PIEZO1: variants seen among roughly 807,000 people sequenced by gnomAD.
PIEZO1 encodes the protein piezo-type mechanosensitive ion channel component 1.
A neutral mutation model predicts 297.2 loss-of-function variants in PIEZO1; 296 were observed. The observed-to-expected ratio is 1.00, with a 90% CI of 0.91 to 1.10. The LOEUF is 1.10. Among genes scored for constraint, PIEZO1 ranks in the 50% least tolerant of loss-of-function variants. PIEZO1 has a pLI of 0.00. For missense variants in PIEZO1, 5,018 were observed against 3,455.5 expected (o/e 1.45, Z -11.34); for synonymous variants, 2,427 against 1,507.5 (o/e 1.61, Z -14.13).
At chr16:88,731,059 G>C (rs573498026) in intron 22 of PIEZO1, 1 of 155,470 alleles carries the variant, frequency 6.4e-6, no homozygotes, top group Admixed American at 6.2e-5. Flanking sequence ...GCCTTGAGCA[G>C]ACCTGCAGCA....
chr16:88,732,229 A>T, intron 21 of PIEZO1, 106 bp downstream of exon 21: 1 of 988,574 alleles, frequency 1.0e-6, no homozygotes, highest in Non-Finnish European at 1.5e-6. Flanking sequence ...TCTGTGGCCC[A>T]GGCAAACCCA....
At position 88,722,020 on chromosome 16, in the gene PIEZO1, C is replaced by T; in HGVS notation, c.5002G>A (p.Gly1668Arg). 1.3e-6 allele frequency: 2 copies of T among 1,548,464 alleles called. No homozygotes were observed. Among genetic ancestry groups the T allele is most frequent in the Non-Finnish European group, 1.7e-6 (2 of 1,146,632 alleles). ...ELEEAELFAE[G>R]QGRALRLLRA... is the part of the protein sequence containing the mutation. ...AGCAGCCGCAGCGCCCGGCCCTGCC[C>T]CTCCGCAAACAGCTCTGCCTCCTCC... The change falls in exon 37 of 51, where the codon GGG becomes AGG. Residue 1668 changes from glycine to arginine, a missense_variant. Physicochemically the swap from Gly to Arg is moderately radical, Grantham distance 125. Coordinates refer to ENST00000301015, the MANE Select transcript of PIEZO1 (RefSeq NM_001142864.4).
chr16:88,736,813 C>T, intron 10 of PIEZO1, 74 bp from the exon 11 acceptor site: 1 of 926,150 alleles, frequency 1.1e-6, no homozygotes, highest in East Asian at 2.8e-5. Flanking sequence ...GCCCTAAAAT[C>T]TGGGCCCTGG....
At chr16:88,737,846 G>C in intron 8 of PIEZO1, 32 bp from the exon 9 acceptor site, 1 of 1,533,908 alleles carries the variant, frequency 6.5e-7, no homozygotes. Context: ...GCCCAAACCA[G>C]CTCCACACCC....
Position 88,733,642 on chromosome 16 carries a change from C to T in PIEZO1, c.2433G>A (p.Glu811=), listed in dbSNP as rs1597456944. ...GGGCCACCAGCTTGAAAACGTGAAG[C>T]TCCAGCAGCCGCCGCAGGAACACCT... is the stretch of plus-strand genomic sequence containing the variant. ...RVQVFLRRLL[E]LHVFKLVALY... The change falls in exon 18 of 51, where the codon GAG becomes GAA. Residue 811 remains glutamate (E), a synonymous_variant. Transcript: ENST00000301015. 3.2e-6 allele frequency: 5 copies of T among 1,549,732 alleles called. No homozygotes were observed. Among genetic ancestry groups the T allele is most frequent in the East Asian group, 4.9e-5 (2 of 40,906 alleles).
At chr16:88,729,487 CA>C (rs1904659747) in intron 22 of PIEZO1, among the ~76,000 whole-genome samples, 2 of 119,320 alleles carry the variant, frequency 1.7e-5, no homozygotes, top group African/African-American at 6.0e-5. Flanking sequence ...CCTCGCGACA[CA>C]AAAACAAAGT....
In PIEZO1 at chr16:88,720,138, G is replaced by A. The variant is rs1567659946; in HGVS notation, c.6095C>T (p.Ala2032Val). 1.2e-5 allele frequency: 18 copies of A among 1,550,338 alleles called. No homozygotes were observed. The highest frequency in any genetic ancestry group is 2.4e-5 in the East Asian group (1 of 40,938). ...YLRKTVLGKL[A>V]FQVALVLAIH... Reference sequence around the variant, plus strand: ...GGCCAGCACCAGCGCCACCTGGAAGGCCAGCTTGCCCAGCACGGTCTTGCG... The same window carrying A: ...GGCCAGCACCAGCGCCACCTGGAAGACCAGCTTGCCCAGCACGGTCTTGCG... The change falls in exon 42 of 51, where the codon GCC (alanine) becomes GTC (valine). Residue 2032 changes from alanine (A) to valine (V), a missense_variant. Physicochemically the swap from Ala to Val is moderately conservative, Grantham distance 64. Coordinates refer to ENST00000301015, the MANE Select transcript of PIEZO1 (RefSeq NM_001142864.4).
At chr16:88,746,986 C>A (rs1020554452) in intron 2 of PIEZO1, among the ~76,000 whole-genome samples, 1 of 152,166 alleles carries the variant, frequency 6.6e-6, no homozygotes, top group Non-Finnish European at 1.5e-5. Context: ...GTTTGGGCCT[C>A]GGGCCCCAGC....
intron 1 of PIEZO1, among the ~76,000 whole-genome samples, chr16:88,778,253 A>C: frequency 6.6e-6 from 1 of 150,720 alleles, no homozygotes. Context: ...CTTGTTCTTG[A>C]CTCTTCCTGG....
chr16:88,742,107 G>A lies in PIEZO1; in HGVS notation c.284-12C>T. On this transcript the variant is annotated splice_polypyrimidine_tract_variant and intron_variant, in intron 3 of 50. Coordinates refer to ENST00000301015, the MANE Select transcript of PIEZO1 (RefSeq NM_001142864.4). ...CTCCCAGCGGCTGCCTGCAGAGAAA[G>A]ACGGGGGAACCCAGGTCAGGCTCTG... 6.5e-7 allele frequency: 1 copy of A among 1,535,890 alleles called. No individual in the cohort carries two copies. The highest frequency in any genetic ancestry group is 8.7e-7 in the Non-Finnish European group (1 of 1,146,758).
rs937921597 is a variant in PIEZO1, at chr16:88,716,786, A to G, written c.6753+20T>C. On this transcript the variant is annotated intron_variant, in intron 46 of 50. Transcript: ENST00000301015. Reference sequence around the variant, plus strand: ...CAGCCGCCTCCCCACACCAGCTTTCACAGGGCAGAGGCCACTTACCGGCTG... The same window carrying G: ...CAGCCGCCTCCCCACACCAGCTTTCGCAGGGCAGAGGCCACTTACCGGCTG... 5 of 1,549,488 alleles carry G rather than the reference A, an allele frequency of 3.2e-6. No individual in the cohort carries two copies. The highest frequency in any genetic ancestry group is 1.4e-5 in the African/African-American group (1 of 73,048).
At chr16:88,752,284 A>G (rs1906429068) in intron 1 of PIEZO1, among the ~76,000 whole-genome samples, 1 of 151,974 alleles carries the variant, frequency 6.6e-6, no homozygotes, top group Non-Finnish European at 1.5e-5. Context: ...GGAGTTCGAG[A>G]CCAGACCAGG....
Position 88,716,424 on chromosome 16 carries a change from G to C in PIEZO1, c.6986C>G (p.Ala2329Gly), listed in dbSNP as rs563334408. Residue 2329 changes from alanine (A) to glycine (G), a missense_variant, in exon 48 of 51, where the codon GCC becomes GGC. Physicochemically the swap from Ala to Gly is moderately conservative, Grantham distance 60 (BLOSUM62 0). Transcript: ENST00000301015. ...CTGCCGCCGTGCAGTGCTGTTGGGG[G>C]CCAGGGCCAGCATGTGCTTCTCGTT... ...YANEKHMLALAPNSTARRQLA... is the reference protein window; with the variant it reads ...YANEKHMLALGPNSTARRQLA... The C allele has an allele frequency of 1.9e-6, 3 of 1,549,768 alleles. No homozygotes were observed. In the Admixed American group the frequency reaches 5.9e-5, roughly 30 times the overall value.
rs1904290682 is a variant in PIEZO1, at chr16:88,722,818, G to C, written c.4668+19C>G. 2 of 1,541,494 alleles carry C rather than the reference G, an allele frequency of 1.3e-6. No homozygotes were observed. The highest frequency in any genetic ancestry group is 1.7e-6 in the Non-Finnish European group (2 of 1,145,794). On this transcript the variant is annotated intron_variant, in intron 34 of 50. Transcript: ENST00000301015. Reference sequence around the variant, plus strand: ...AGTCAGGCAGAGCAGGGACGAGCGTGGTGCACGGGCAGGCTCACCTGCAGG... The same window carrying C: ...AGTCAGGCAGAGCAGGGACGAGCGTCGTGCACGGGCAGGCTCACCTGCAGG...
chr16:88,720,202 G>T lies in PIEZO1; in HGVS notation c.6031C>A (p.Gln2011Lys). 1 of 1,550,532 alleles carries T rather than the reference G, an allele frequency of 6.4e-7. No homozygotes were observed. Among genetic ancestry groups the T allele is most frequent in the Non-Finnish European group, 8.7e-7 (1 of 1,146,952 alleles). The change falls in exon 42 of 51, where the codon CAG becomes AAG. Residue 2011 changes from glutamine (Q) to lysine (K), a missense_variant. Coordinates refer to ENST00000301015, the MANE Select transcript of PIEZO1 (RefSeq NM_001142864.4). Reference sequence around the variant, plus strand: ...CGGTCAACCACCATGGTACTGAACTGGATCAGCAGCATGACCAGGAAAGCC... The same window carrying T: ...CGGTCAACCACCATGGTACTGAACTTGATCAGCAGCATGACCAGGAAAGCC... ...PEAFLVMLLI[Q>K]FSTMVVDRAL...
rs762151744 is a variant in PIEZO1, at chr16:88,721,370, C to T, written c.5464G>A (p.Glu1822Lys). ...CCCTCCTCGGCTCCCTGCTCCTCCT[C>T]GCCGCTCTTGTCATGCTCCTTGGAT... Reference protein sequence around the residue: ...SPSKEHDKSGEEEQGAEEGPG... With the variant: ...SPSKEHDKSGKEEQGAEEGPG... The change falls in exon 39 of 51, where the codon GAG becomes AAG. Residue 1822 changes from glutamate (E) to lysine (K), a missense_variant. Physicochemically the swap from Glu to Lys is moderately conservative, Grantham distance 56. Coordinates refer to ENST00000301015, the MANE Select transcript of PIEZO1 (RefSeq NM_001142864.4). The T allele has an allele frequency of 2.5e-4, 392 of 1,549,478 alleles. No individual in the cohort carries two copies. The highest frequency in any genetic ancestry group is 4.8e-4 in the South Asian group (40 of 84,060).
At position 88,726,703 on chromosome 16, in the gene PIEZO1, C is replaced by T. The variant is rs1214613650; in HGVS notation, c.3699+12G>A. 2 of 1,468,426 alleles carry T rather than the reference C, an allele frequency of 1.4e-6. No individual in the cohort carries two copies. Among genetic ancestry groups the T allele is most frequent in the Non-Finnish European group, 1.9e-6 (2 of 1,075,042 alleles). 91.0% of individuals were successfully genotyped at this position (1,468,426 alleles called of 1,614,324 possible). On this transcript the variant is annotated intron_variant, in intron 25 of 50. Coordinates refer to ENST00000301015, the MANE Select transcript of PIEZO1 (RefSeq NM_001142864.4). ...CCCCAGGGCGGTGGGTGCGGGGGGG[C>T]CGGAGGCTCACCGACAGCATGTTCT...
Position 88,716,348 on chromosome 16 carries a change from G to A in PIEZO1, c.7049+13C>T, listed in dbSNP as rs1214280854. Reference sequence around the variant, plus strand: ...CACAGCCCTCCTGCCCACCACCCGGGCCCTTCACTCACACAGACTGGTCCG... The same window carrying A: ...CACAGCCCTCCTGCCCACCACCCGGACCCTTCACTCACACAGACTGGTCCG... On this transcript the variant is annotated intron_variant, in intron 48 of 50. Transcript: ENST00000301015. The A allele has an allele frequency of 2.0e-6, 3 of 1,522,026 alleles. No individual in the cohort carries two copies. The highest frequency in any genetic ancestry group is 2.8e-5 in the African/African-American group (2 of 72,692). 94.3% of individuals were successfully genotyped at this position (1,522,026 alleles called of 1,614,324 possible).
In PIEZO1 at chr16:88,731,867, T is replaced by C. The variant is rs1404504064; in HGVS notation, c.3035A>G (p.Asn1012Ser). The stretch of plus-strand genomic sequence containing the variant: ...GCAACCGTGCAGGGTCACCAGAAAG[T>C]TCATGCGCTGCCCGATCACGTTCAC... ...MAVNVIGQRM[N>S]FLVTLHGCWL... Residue 1012 changes from asparagine to serine, a missense_variant, in exon 22 of 51, where the codon AAC (asparagine) becomes AGC (serine). Asn to Ser is a conservative substitution (Grantham distance 46). Transcript: ENST00000301015. The C allele has an allele frequency of 4.8e-6, 5 of 1,043,240 alleles. No homozygotes were observed. The highest frequency in any genetic ancestry group is 5.9e-6 in the Non-Finnish European group (5 of 853,506). The allele number at this position is 1,043,240 out of a possible 1,614,324, so 64.6% of individuals were successfully genotyped here.
Sources: gnomAD v4.1 joint callset for allele counts (sites outside exome capture counted in the v4.1 genomes callset) on GRCh38, gnomAD v4.1.1 for gene constraint, MANE v1.5 for transcripts, NCBI Gene and HGNC (gene_info 2026-07-23, HGNC 2026-07-21) for gene names.